Variants in VWA8 observed in about 807,000 individuals in gnomAD.
VWA8 encodes von Willebrand factor A domain containing 8, also known as von Willebrand factor A domain-containing protein 8.
A neutral mutation model predicts 241.5 loss-of-function variants in VWA8; 221 were observed. That is an observed-to-expected ratio of 0.91 (90% CI 0.82 to 1.02). VWA8 has a LOEUF of 1.02. VWA8 is among the 50% of genes least tolerant of loss of function. VWA8 has a pLI of 0.00. For synonymous variants in VWA8, 852 were observed against 827.1 expected, an observed-to-expected ratio of 1.03 and a Z score of -0.52; for missense variants, 2,322 against 2,328.7, an observed-to-expected ratio of 1.00 and a Z score of 0.06.
intron 9 of VWA8, among the ~76,000 whole-genome samples, chr13:41,878,384 C>G (rs1254646365): frequency 1.3e-5 from 2 of 150,998 alleles, no homozygotes; most frequent in African/African-American, 2.4e-5. Context: ...CTTCCCAGAA[C>G]AGATGATAAA....
At position 41,691,277 on chromosome 13, in the gene VWA8, G is replaced by A. The variant is rs761802365; in HGVS notation, c.3866+43C>T. The A allele has an allele frequency of 8.9e-6, 14 of 1,580,780 alleles. No individual in the cohort carries two copies. The East Asian group carries it at 3.2e-4, about 36-fold the overall frequency. ...TGTTGGATAATTCATAAATAAGATT[G>A]AGCTACAACATACTCCATGATACAC... On this transcript the variant is annotated intron_variant, in intron 32 of 44. Transcript: ENST00000379310.
At chr13:41,581,139 T>C (rs1260537469) in intron 42 of VWA8, among the ~76,000 whole-genome samples, 4 of 128,060 alleles carry the variant, frequency 3.1e-5, no homozygotes, top group Non-Finnish European at 6.1e-5. Flanking sequence ...TAGCTGGGAC[T>C]ACAGGCGCCC....
At chr13:41,572,797 T>TAAAAAAAAAA (rs869088660) in intron 43 of VWA8, among the ~76,000 whole-genome samples, 14 of 67,764 alleles carry the variant, frequency 2.1e-4, no homozygotes, top group East Asian at 3.5e-4. Context: ...CAATAAATAC[T>TAAAAAAAAAA]AAAAAAAAAA....
chr13:41,866,068 CCAGAT>C, intron 10 of VWA8, 32 bp from the exon 11 acceptor site: 1 of 1,606,262 alleles, frequency 6.2e-7, no homozygotes, highest in Non-Finnish European at 8.5e-7. Context: ...TATAACATGG[CCAGAT>C]GTGGTGGCTC....
intron 9 of VWA8, among the ~76,000 whole-genome samples, chr13:41,871,957 T>C (rs1033993871): frequency 1.3e-5 from 2 of 152,234 alleles, no homozygotes; most frequent in African/African-American, 4.8e-5. Context: ...CCACATCCTC[T>C]GCAGCACCTG....
intron 15 of VWA8, among the ~76,000 whole-genome samples, chr13:41,817,731 T>G (rs992429819): frequency 1.3e-5 from 2 of 152,222 alleles, no homozygotes; most frequent in African/African-American, 4.8e-5. Context: ...CATTAAACTC[T>G]AAAACCTATG....
chr13:41,568,295 T>G lies in VWA8; in HGVS notation c.5620A>C (p.Thr1874Pro). 1 of 1,614,064 alleles carries G rather than the reference T, an allele frequency of 6.2e-7. No individual in the cohort carries two copies. Residue 1874 changes from threonine to proline, a missense_variant, in exon 45 of 45, where the codon ACT (threonine) becomes CCT (proline). Coordinates refer to ENST00000379310, the MANE Select transcript of VWA8 (RefSeq NM_015058.2). Reference protein sequence around the residue: ...LGDQATRLQRTLPAGRSFVAM... With the variant: ...LGDQATRLQRPLPAGRSFVAM... The stretch of plus-strand genomic sequence containing the variant: ...ACGAAAGACCGACCAGCTGGTAAAG[T>G]TCTCTGAAGCCTGCCAGGATGGAAA...
At chr13:41,848,668 G>A (rs1187890604) in intron 12 of VWA8, among the ~76,000 whole-genome samples, 2 of 152,174 alleles carry the variant, frequency 1.3e-5, no homozygotes, top group Non-Finnish European at 2.9e-5. Flanking sequence ...GGCTTCCCCA[G>A]CAATGTAGAT....
At chr13:41,758,543 T>C (rs905709587) in intron 21 of VWA8, among the ~76,000 whole-genome samples, 3 of 120,140 alleles carry the variant, frequency 2.5e-5, no homozygotes, top group African/African-American at 9.7e-5. Context: ...ACAATTGATT[T>C]TTGTACATTT....
chr13:41,931,169 A>G lies in VWA8; in HGVS notation c.241+18767T>C, dbSNP rs1877094862. Among the ~76,000 whole-genome samples the G allele has an allele frequency of 2.0e-5, 3 of 151,236 alleles. No homozygotes were observed. In the South Asian group the frequency reaches 6.2e-4, roughly 31 times the overall value. On this transcript the variant is annotated intron_variant, in intron 2 of 44. Transcript: ENST00000379310. ...GTCTCAGGGGAAAAAAAAAAAAAAA[A>G]AAAGAATATTTATTATTCAGCCTTT...
chr13:41,739,474 CATA>C (rs1295676546), intron 21 of VWA8, among the ~76,000 whole-genome samples: 1 of 152,060 alleles, frequency 6.6e-6, no homozygotes, highest in Non-Finnish European at 1.5e-5. Flanking sequence ...TTGTATATAG[CATA>C]ATATTATTTG....
intron 12 of VWA8, among the ~76,000 whole-genome samples, chr13:41,861,381 T>C (rs1872999015): frequency 6.6e-6 from 1 of 152,170 alleles, no homozygotes; most frequent in Non-Finnish European, 1.5e-5. Flanking sequence ...AAGCATTCTT[T>C]TTAACAACTG....
intron 40 of VWA8, among the ~76,000 whole-genome samples, chr13:41,601,918 C>T (rs1373979690): frequency 6.6e-6 from 1 of 152,058 alleles, no homozygotes; most frequent in Non-Finnish European, 1.5e-5. Flanking sequence ...TAGTTCCTGG[C>T]CAAACTTTGT....
At chr13:41,894,991 A>G (rs1426274558) in intron 4 of VWA8, among the ~76,000 whole-genome samples, 1 of 152,130 alleles carries the variant, frequency 6.6e-6, no homozygotes, top group Non-Finnish European at 1.5e-5. Context: ...TGTGGGAGAT[A>G]ACAGTCTTTT....
chr13:41,821,112 C>G (rs1157516108), intron 14 of VWA8, among the ~76,000 whole-genome samples: 1 of 152,144 alleles, frequency 6.6e-6, no homozygotes, highest in South Asian at 2.1e-4. Flanking sequence ...CCAGGTACCA[C>G]AGTGGAGCTG....
At chr13:41,924,487 GA>G (rs1378821348) in intron 2 of VWA8, among the ~76,000 whole-genome samples, 1 of 151,930 alleles carries the variant, frequency 6.6e-6, no homozygotes, top group African/African-American at 2.4e-5. Flanking sequence ...GAAAGAAAAA[GA>G]AAACAGAGTG....
At chr13:41,595,949 AT>A (rs534623007) in intron 40 of VWA8, among the ~76,000 whole-genome samples, 174 of 152,270 alleles carry the variant, frequency 1.1e-3, no homozygotes, top group South Asian at 6.6e-3. Context: ...TGAGCGGAGT[AT>A]AAGGGTTTCA....
chr13:41,870,070 G>A (rs1257529289), intron 9 of VWA8, among the ~76,000 whole-genome samples: 2 of 151,974 alleles, frequency 1.3e-5, no homozygotes, highest in Non-Finnish European at 2.9e-5. Context: ...TCATTTTGAT[G>A]TCATAAGTAC....
intron 2 of VWA8, among the ~76,000 whole-genome samples, chr13:41,920,345 C>T (rs1876459458): frequency 1.3e-5 from 2 of 152,110 alleles, no homozygotes; most frequent in Admixed American, 1.3e-4. Flanking sequence ...CAGCTATATT[C>T]CTGCCCCCTG....
Sources: allele counts gnomAD v4.1 joint callset (sites outside exome capture counted in the v4.1 genomes callset), GRCh38; gene constraint gnomAD v4.1.1; transcripts MANE v1.5; gene names NCBI Gene and HGNC (gene_info 2026-07-23, HGNC 2026-07-21).